The following ERC2 variants were observed in gnomAD, a reference collection of about 807,000 sequenced individuals.
The protein encoded by ERC2 is ELKS/RAB6-interacting/CAST family member 2.
ERC2 carries 42 observed loss-of-function variants against 114.8 expected under a neutral mutation model. The ratio of observed to expected loss-of-function variants is 0.37; its 90% confidence interval spans 0.29 to 0.47. The LOEUF is 0.47. Ranked by LOEUF, ERC2 falls within the 20% of genes least tolerant of loss-of-function variation. ERC2 has a pLI of 0.99. For missense variants in ERC2, 939 were observed against 1,150.7 expected (o/e 0.82, Z 2.66); for synonymous variants, 454 against 425.5 (o/e 1.07, Z -0.82).
intron 17 of ERC2, among the ~76,000 whole-genome samples, chr3:55,575,893 A>G (rs1329422332): frequency 6.6e-6 from 1 of 152,220 alleles, no homozygotes; most frequent in African/African-American, 2.4e-5. Context: ...TTTATAAACA[A>G]GCACGTAGGT....
intron 2 of ERC2, among the ~76,000 whole-genome samples, chr3:56,335,055 T>C (rs1212532357): frequency 6.6e-6 from 1 of 152,196 alleles, no homozygotes; most frequent in African/African-American, 2.4e-5. Flanking sequence ...TCTGCCCACC[T>C]TGGCCTCCCA....
chr3:56,178,529 T>C (rs1422926974), intron 3 of ERC2, among the ~76,000 whole-genome samples: 1 of 151,940 alleles, frequency 6.6e-6, no homozygotes, highest in East Asian at 1.9e-4. Context: ...AAGGAAGGAG[T>C]GCCAAAGAAT....
chr3:55,936,537 A>G (rs987374051), intron 13 of ERC2, among the ~76,000 whole-genome samples: 3 of 152,246 alleles, frequency 2.0e-5, no homozygotes, highest in Admixed American at 2.0e-4. Context: ...TAGAAAGAGC[A>G]TTCAGAGAAA....
chr3:55,952,531 C>G (rs1317739356), intron 12 of ERC2, among the ~76,000 whole-genome samples: 2 of 152,052 alleles, frequency 1.3e-5, no homozygotes, highest in African/African-American at 4.8e-5. Context: ...CCCATGCTAA[C>G]CTAAGGCAGG....
At chr3:55,567,314 G>A (rs749817760) in intron 17 of ERC2, among the ~76,000 whole-genome samples, 5 of 152,172 alleles carry the variant, frequency 3.3e-5, no homozygotes, top group Admixed American at 6.5e-5. Context: ...CTGCGCAAAG[G>A]CCCTGAGGCC....
At chr3:56,410,776 C>T (rs1331363132) in intron 2 of ERC2, among the ~76,000 whole-genome samples, 1 of 152,040 alleles carries the variant, frequency 6.6e-6, no homozygotes, top group African/African-American at 2.4e-5. Flanking sequence ...CCTCTAGAGG[C>T]CTTGCTCTTA....
At chr3:55,888,337 T>C (rs901945575) in intron 14 of ERC2, 52 bp downstream of exon 14, 2 of 1,597,974 alleles carry the variant, frequency 1.3e-6, no homozygotes, top group African/African-American at 2.7e-5. Context: ...CCTTTCCCAC[T>C]CTCAAGAGAG....
intron 2 of ERC2, among the ~76,000 whole-genome samples, chr3:56,364,808 C>T (rs2059090006): frequency 6.6e-6 from 1 of 152,146 alleles, no homozygotes; most frequent in Non-Finnish European, 1.5e-5. Flanking sequence ...GGTGGAATGC[C>T]AGAAGGGACC....
At chr3:55,955,248 T>G (rs867166003) in intron 12 of ERC2, 79 of 360,738 alleles carry the variant, frequency 2.2e-4, no homozygotes, top group South Asian at 5.3e-4. Context: ...GGTGGTGTGT[T>G]TGTGTGTGTG....
At position 55,952,180 on chromosome 3, in the gene ERC2, C is replaced by CTATA. The variant is rs1491480619; in HGVS notation, c.2268-1621_2268-1620insTATA. ...ACACACACACACACACACACACACACTCTCTCTCTCTCTCTCTCTATATAT... is the reference window on the plus strand; with the variant it reads ...ACACACACACACACACACACACACACTATATCTCTCTCTCTCTCTCTCTATATAT... On this transcript the variant is annotated intron_variant, in intron 12 of 17. Transcript: ENST00000288221. Among the ~76,000 whole-genome samples, 21 of 25,606 alleles carry CTATA rather than the reference C, an allele frequency of 8.2e-4. 1 individual carries two copies. The highest frequency in any genetic ancestry group is 1.3e-3 in the Non-Finnish European group (15 of 11,844). 16.8% of individuals were successfully genotyped at this position (25,606 alleles called of 152,430 possible).
intron 1 of ERC2, among the ~76,000 whole-genome samples, chr3:56,439,927 A>G (rs2062210712): frequency 6.6e-6 from 1 of 152,186 alleles, no homozygotes; most frequent in African/African-American, 2.4e-5. Context: ...GGAATTATTG[A>G]GAATAATATA....
intron 3 of ERC2, among the ~76,000 whole-genome samples, chr3:56,272,962 C>T (rs950882473): frequency 6.6e-5 from 10 of 152,188 alleles, no homozygotes; most frequent in Non-Finnish European, 1.0e-4. Context: ...AGGGGTAACT[C>T]GTCCTCATCT....
In ERC2 at chr3:55,601,195, T is replaced by C. The variant is rs1160193458; in HGVS notation, c.*39+82599A>G. Among the ~76,000 whole-genome samples the C allele has an allele frequency of 2.6e-5, 4 of 152,128 alleles. No individual in the cohort carries two copies. In the South Asian group the frequency reaches 8.3e-4, roughly 31 times the overall value. On this transcript the variant is annotated intron_variant, in intron 17 of 17. Coordinates refer to ENST00000288221, the MANE Select transcript of ERC2 (RefSeq NM_015576.3). ...GCTATAACCAGATCATCTGTTTTTT[T>C]CCAAAAACCCAGAAAGCCAGAATCG...
chr3:55,898,692 A>G (rs1257329048), intron 13 of ERC2, among the ~76,000 whole-genome samples: 18 of 152,184 alleles, frequency 1.2e-4, no homozygotes, highest in Admixed American at 1.2e-3. Context: ...AAGAGGATGC[A>G]TAAGCAAGAC....
At chr3:55,598,187 T>C (rs2058238838) in intron 17 of ERC2, among the ~76,000 whole-genome samples, 1 of 152,268 alleles carries the variant, frequency 6.6e-6, no homozygotes, top group Non-Finnish European at 1.5e-5. Flanking sequence ...TACTAGCTTT[T>C]GCCAAATCTA....
rs201165949 is a variant in ERC2, at chr3:56,211,589, G to GA, written c.1075-38070dup. On this transcript the variant is annotated intron_variant, in intron 3 of 17. Transcript: ENST00000288221. ...ACCACCAGCATTCTTCACAGAAGTAGAAAAAAAAAATCCTAAAATTCATGT... is the reference window on the plus strand; with the variant it reads ...ACCACCAGCATTCTTCACAGAAGTAGAAAAAAAAAAATCCTAAAATTCATGT... Among the ~76,000 whole-genome samples the GA allele has an allele frequency of 5.9e-4, 88 of 148,152 alleles. 1 individual carries two copies. Among genetic ancestry groups the GA allele is most frequent in the East Asian group, 2.7e-3 (14 of 5,110 alleles).
intron 15 of ERC2, among the ~76,000 whole-genome samples, chr3:55,724,756 A>C (rs769968267): frequency 1.3e-5 from 2 of 152,290 alleles, no homozygotes; most frequent in East Asian, 3.9e-4. Context: ...AAGCAATGTC[A>C]GTCTAATAAC....
chr3:56,202,959 A>G (rs2150100379), intron 3 of ERC2, among the ~76,000 whole-genome samples: 1 of 152,356 alleles, frequency 6.6e-6, no homozygotes, highest in South Asian at 2.1e-4. Context: ...AGCCTTTGCT[A>G]TTAACTTCTT....
intron 2 of ERC2, among the ~76,000 whole-genome samples, chr3:56,358,223 A>G (rs527467410): frequency 6.6e-6 from 1 of 152,252 alleles, no homozygotes; most frequent in South Asian, 2.1e-4. Context: ...TAGGTTTCTG[A>G]TTACACCGAA....
Sources: gnomAD v4.1 joint callset for allele counts (sites outside exome capture counted in the v4.1 genomes callset) on GRCh38, gnomAD v4.1.1 for gene constraint, MANE v1.5 for transcripts, NCBI Gene and HGNC (gene_info 2026-07-23, HGNC 2026-07-21) for gene names.